Variants in TTL observed in about 807,000 individuals in gnomAD.
TTL encodes the protein tubulin--tyrosine ligase.
A neutral mutation model predicts 41.1 loss-of-function variants in TTL; 10 were observed. The observed-to-expected ratio is 0.24, with a 90% CI of 0.15 to 0.41. The LOEUF (loss-of-function observed/expected upper bound fraction) is 0.41, where lower values mean the gene tolerates loss of function less well. Among genes scored for constraint, TTL ranks in the 10% least tolerant of loss-of-function variants. The pLI, the probability that TTL is intolerant of heterozygous loss-of-function variation, is 1.00. For missense variants in TTL, 367 were observed against 460.4 expected (o/e 0.80, Z 1.86); for synonymous variants, 175 against 175.5 (o/e 1.00, Z 0.02).
Position 112,532,356 on chromosome 2 carries a change from T to C in TTL, c.*3561T>C. On this transcript the variant is annotated 3_prime_UTR_variant, in exon 7 of 7. Coordinates refer to ENST00000233336, the MANE Select transcript of TTL (RefSeq NM_153712.5). ...AATGACTGCTGAAATAAGGCGATTG[T>C]ATGAATATTTAAAATGCCTGGAACA... 1 of 227,224 alleles carries C rather than the reference T, an allele frequency of 4.4e-6. No individual in the cohort carries two copies. The highest frequency in any genetic ancestry group is 8.8e-6 in the Non-Finnish European group (1 of 114,250). 14.1% of individuals were successfully genotyped at this position (227,224 alleles called of 1,614,324 possible).
In TTL at chr2:112,539,556, C is replaced by A. The variant is rs1682672613; in HGVS notation, c.*10761C>A. On this transcript the variant is annotated 3_prime_UTR_variant, in exon 7 of 7. Coordinates refer to ENST00000233336, the MANE Select transcript of TTL (RefSeq NM_153712.5). ...AGAGCATCTTTGGAAAAACCCACAG[C>A]CTACATCATATTAATGGTGATGTGA... 6.6e-6 allele frequency: 1 copy of A among 151,640 alleles called. No individual in the cohort carries two copies. Among genetic ancestry groups the A allele is most frequent in the African/African-American group, 2.4e-5 (1 of 41,532 alleles). 9.4% of individuals were successfully genotyped at this position (151,640 alleles called of 1,614,324 possible).
intron 1 of TTL, chr2:112,483,590 G>A (rs903776524): frequency 2.0e-5 from 3 of 152,228 alleles, no homozygotes. Flanking sequence ...TTAGAAATAG[G>A]TGTGGTCAGA....
rs899283404 is a variant in TTL, at chr2:112,539,540, T to C, written c.*10745T>C. 6.6e-6 allele frequency: 1 copy of C among 152,132 alleles called. No homozygotes were observed. The highest frequency in any genetic ancestry group is 1.5e-5 in the Non-Finnish European group (1 of 68,028). 9.4% of individuals were successfully genotyped at this position (152,132 alleles called of 1,614,324 possible). A position where few individuals can be genotyped will look rare whatever the true frequency, so the allele number is the denominator to read the frequency against. On this transcript the variant is annotated 3_prime_UTR_variant, in exon 7 of 7. Coordinates refer to ENST00000233336, the MANE Select transcript of TTL (RefSeq NM_153712.5). ...TTCCTCAACATGATAAAGAGCATCT[T>C]TGGAAAAACCCACAGCCTACATCAT... is the stretch of plus-strand genomic sequence containing the variant.
chr2:112,489,573 T>C (rs886297724), intron 2 of TTL, among the ~76,000 whole-genome samples: 1 of 152,236 alleles, frequency 6.6e-6, no homozygotes, highest in African/African-American at 2.4e-5. Context: ...TATTGAAAAG[T>C]AACTCTAAAT....
chr2:112,527,797 A>T (rs1682404499), intron 6 of TTL, among the ~76,000 whole-genome samples: 1 of 152,214 alleles, frequency 6.6e-6, no homozygotes, highest in African/African-American at 2.4e-5. Flanking sequence ...TAATTGGAGC[A>T]TTTAGCCCAT....
At chr2:112,490,138 G>A (rs771621052) in intron 2 of TTL, among the ~76,000 whole-genome samples, 4 of 152,126 alleles carry the variant, frequency 2.6e-5, no homozygotes, top group Non-Finnish European at 5.9e-5. Context: ...GCACAAGGCC[G>A]GATGTGGTGA....
In TTL at chr2:112,522,789, C is replaced by T. The variant is rs74553954; in HGVS notation, c.1019+2364C>T. ...CCTTCCCTTCCCCTCAAGTCCTGCC[C>T]ATCAGGGCCCTGTGGGTTGTACCTC... On this transcript the variant is annotated intron_variant, in intron 6 of 6. Coordinates refer to ENST00000233336, the MANE Select transcript of TTL (RefSeq NM_153712.5). 8.5e-3 allele frequency among the ~76,000 whole-genome samples: 1,295 copies of T among 152,248 alleles called. 22 individuals carry two copies. Among genetic ancestry groups the T allele is most frequent in the African/African-American group, 0.03 (1,230 of 41,546 alleles).
chr2:112,527,869 T>C (rs889783557), intron 6 of TTL, among the ~76,000 whole-genome samples: 3 of 152,232 alleles, frequency 2.0e-5, no homozygotes, highest in African/African-American at 4.8e-5. Context: ...TGTTAGCTGG[T>C]TATTTTGCCC....
Position 112,482,387 on chromosome 2 carries a change from G to A in TTL, c.43G>A (p.Ala15Thr), listed in dbSNP as rs1347714528. 1.3e-6 allele frequency: 2 copies of A among 1,593,684 alleles called. No homozygotes were observed. The highest frequency in any genetic ancestry group is 1.7e-6 in the Non-Finnish European group (2 of 1,171,192). Residue 15 changes from alanine to threonine, a missense_variant, in exon 1 of 7, where the codon GCC becomes ACC. By Grantham distance (58) the Ala-to-Thr change is moderately conservative. Transcript: ENST00000233336. This position sits in a 1 kb window ranked among gnomAD's most constrained non-coding sequence, Gnocchi z 5.3. ...ACGCGATGAGAACAGCAGCGTCTAC[G>A]CCGAGGTCTCCCGGCTGCTCCTCGC... Reference protein sequence around the residue: ...VVRDENSSVYAEVSRLLLATG... With the variant: ...VVRDENSSVYTEVSRLLLATG...
chr2:112,519,468 T>C (rs1487371878), intron 5 of TTL, among the ~76,000 whole-genome samples: 2 of 152,142 alleles, frequency 1.3e-5, no homozygotes, highest in Admixed American at 6.5e-5. Context: ...ACATTTAGTT[T>C]CAACATGTAT....
At position 112,502,784 on chromosome 2, in the gene TTL, C is replaced by T. The variant is rs116304754; in HGVS notation, c.606-128C>T. The T allele has an allele frequency of 1.9e-3, 1,773 of 926,566 alleles. 21 individuals are homozygous for T. The African/African-American group carries it at 0.026, about 13-fold the overall frequency. The allele number at this position is 926,566 out of a possible 1,614,324, so 57.4% of individuals were successfully genotyped here. A position where few individuals can be genotyped will look rare whatever the true frequency, so the allele number is the denominator to read the frequency against. The stretch of plus-strand genomic sequence containing the variant: ...ATGCCTCTTATAGTTTTAGAAACTT[C>T]CTCCTTCCCTAGTTGCCTCCCACTC... On this transcript the variant is annotated intron_variant, in intron 4 of 6. Transcript: ENST00000233336.
intron 5 of TTL, among the ~76,000 whole-genome samples, chr2:112,514,806 T>C (rs1478241402): frequency 6.6e-6 from 1 of 152,228 alleles, no homozygotes; most frequent in Non-Finnish European, 1.5e-5. Context: ...TTTTGATCCA[T>C]TCTCCTCTTC....
Position 112,536,094 on chromosome 2 carries a change from A to T in TTL, c.*7299A>T, listed in dbSNP as rs1401148308. The T allele has an allele frequency of 6.6e-6, 1 of 152,184 alleles. No homozygotes were observed. Among genetic ancestry groups the T allele is most frequent in the Admixed American group, 6.5e-5 (1 of 15,280 alleles). The allele number at this position is 152,184 out of a possible 1,614,324, so 9.4% of individuals were successfully genotyped here. On this transcript the variant is annotated 3_prime_UTR_variant, in exon 7 of 7. Coordinates refer to ENST00000233336, the MANE Select transcript of TTL (RefSeq NM_153712.5). The stretch of plus-strand genomic sequence containing the variant: ...TGGAAGTGACAGGATCTCACTCTTT[A>T]TGGCTGAACAGTACTCCATTGTGTA...
chr2:112,533,281 A>G lies in TTL; in HGVS notation c.*4486A>G. Reference sequence around the variant, plus strand: ...AGCAGAGATTGCATGGGCAGGGTGCAGGGTGCAGGGTGCAAGCAGACATGG... The same window carrying G: ...AGCAGAGATTGCATGGGCAGGGTGCGGGGTGCAGGGTGCAAGCAGACATGG... On this transcript the variant is annotated 3_prime_UTR_variant, in exon 7 of 7. Coordinates refer to ENST00000233336, the MANE Select transcript of TTL (RefSeq NM_153712.5). The G allele has an allele frequency of 6.5e-6, 1 of 152,680 alleles. No individual in the cohort carries two copies. The highest frequency in any genetic ancestry group is 1.5e-5 in the Non-Finnish European group (1 of 68,334). 9.5% of individuals were successfully genotyped at this position (152,680 alleles called of 1,614,324 possible). A position where few individuals can be genotyped will look rare whatever the true frequency, so the allele number is the denominator to read the frequency against.
chr2:112,501,133 A>G lies in TTL; in HGVS notation c.470-73A>G, dbSNP rs916723052. The G allele has an allele frequency of 6.0e-6, 9 of 1,497,152 alleles. No homozygotes were observed. The East Asian group carries it at 2.0e-4, about 33-fold the overall frequency. The allele number at this position is 1,497,152 out of a possible 1,614,324, so 92.7% of individuals were successfully genotyped here. ...CTCTTGTGGGGTTTTTGCTGTTCGT[A>G]TTTCCTTTCTGGATTTATAGAGAGC... On this transcript the variant is annotated intron_variant, in intron 3 of 6. Coordinates refer to ENST00000233336, the MANE Select transcript of TTL (RefSeq NM_153712.5).
chr2:112,499,128 C>T (rs1222693913), intron 3 of TTL, among the ~76,000 whole-genome samples: 2 of 152,154 alleles, frequency 1.3e-5, no homozygotes, highest in Non-Finnish European at 2.9e-5. Context: ...GCCTGGCCAA[C>T]ATGGTGAAAC....
In TTL at chr2:112,485,983, CT is replaced by C. The variant is rs1186331601; in HGVS notation, c.226del (p.Ser76LeufsTer2). 6.2e-7 allele frequency: 1 copy of C among 1,614,172 alleles called. No individual in the cohort carries two copies. Among genetic ancestry groups the C allele is most frequent in the Non-Finnish European group, 8.5e-7 (1 of 1,180,018 alleles). On this transcript the variant is annotated frameshift_variant, in exon 2 of 7. Coordinates refer to ENST00000233336, the MANE Select transcript of TTL (RefSeq NM_153712.5). LOFTEE classifies it high-confidence loss of function. The part of the protein sequence containing the change: ...YRGADKLCRK[A>X]SLVKLIKTSP... ...GGTGCTGACAAACTGTGTCGCAAAG[CT>C]TCTTTAGTGAAGTAAGTGTTAAGAC... is the stretch of plus-strand genomic sequence containing the variant.
At chr2:112,491,235 C>G (rs1252200985) in intron 2 of TTL, among the ~76,000 whole-genome samples, 2 of 152,200 alleles carry the variant, frequency 1.3e-5, no homozygotes, top group East Asian at 3.8e-4. Flanking sequence ...TTGTGATCCG[C>G]CTGCCTCAGC....
At chr2:112,517,078 C>CA (rs1377389210) in intron 5 of TTL, among the ~76,000 whole-genome samples, 5 of 137,388 alleles carry the variant, frequency 3.6e-5, no homozygotes, top group South Asian at 4.5e-4. Context: ...CCACTCCAGC[C>CA]AAAAAAAGAT....
Sources: allele counts gnomAD v4.1 joint callset (sites outside exome capture counted in the v4.1 genomes callset), GRCh38; gene constraint gnomAD v4.1.1; non-coding constraint Gnocchi (gnomAD v3.1); transcripts MANE v1.5; gene names NCBI Gene and HGNC (gene_info 2026-07-23, HGNC 2026-07-21).